The following CBLB variants were observed in gnomAD, a reference collection of about 807,000 sequenced individuals.
CBLB encodes the protein Cbl proto-oncogene B.
In CBLB, 31 loss-of-function variants were observed where a neutral mutation model predicts 104.9. The ratio of observed to expected loss-of-function variants is 0.30; its 90% CI spans 0.22 to 0.40. CBLB has a LOEUF of 0.40. Ranked by LOEUF, CBLB falls within the 10% of genes least tolerant of loss-of-function variation. The pLI, the probability that CBLB is intolerant of heterozygous loss-of-function variation, is 1.00. For synonymous variants in CBLB, 440 were observed against 422.6 expected (o/e 1.04, Z -0.51); for missense variants, 1,062 against 1,214.6 (o/e 0.87, Z 1.87).
chr3:105,783,652 A>G (rs6780432), intron 3 of CBLB, among the ~76,000 whole-genome samples: 26,090 of 152,112 alleles, frequency 0.17, 2,623 homozygotes, highest in Admixed American at 0.28. Flanking sequence ...AGAGCTCCAA[A>G]GATAAAGAAC....
Position 105,868,753 on chromosome 3 carries a change from G to T in CBLB, c.-32C>A. 1 of 989,644 alleles carries T rather than the reference G, an allele frequency of 1.0e-6. No individual in the cohort carries two copies. Among genetic ancestry groups the T allele is most frequent in the Non-Finnish European group, 1.2e-6 (1 of 832,438 alleles). The allele number at this position is 989,644 out of a possible 1,614,324, so 61.3% of individuals were successfully genotyped here. Reference sequence around the variant, plus strand: ...CTTCTTGCCTTTCGGCGCCGTAGCTGTCCAGAGACACGCGTGTGCGCGGGT... The same window carrying T: ...CTTCTTGCCTTTCGGCGCCGTAGCTTTCCAGAGACACGCGTGTGCGCGGGT... On this transcript the variant is annotated 5_prime_UTR_variant, in exon 1 of 19. Coordinates refer to ENST00000394030, the MANE Select transcript of CBLB (RefSeq NM_170662.5).
chr3:105,779,340 C>T (rs1038148283), intron 3 of CBLB, among the ~76,000 whole-genome samples: 1 of 152,134 alleles, frequency 6.6e-6, no homozygotes, highest in African/African-American at 2.4e-5. Flanking sequence ...CACTGATTGA[C>T]TATAAAATGT....
chr3:105,681,287 T>C (rs2066284229), intron 16 of CBLB, 192 bp downstream of exon 16: 1 of 616,244 alleles, frequency 1.6e-6, no homozygotes, highest in Middle Eastern at 4.3e-4. Flanking sequence ...ACTACTACAC[T>C]ACTACCTTAA....
intron 17 of CBLB, chr3:105,671,149 T>A: frequency 5.2e-6 from 1 of 193,604 alleles, no homozygotes; most frequent in Non-Finnish European, 1.1e-5. Context: ...TAAACCCAAC[T>A]GGTTTAACAT....
intron 2 of CBLB, among the ~76,000 whole-genome samples, chr3:105,854,750 A>T (rs2091391607): frequency 6.6e-6 from 1 of 152,076 alleles, no homozygotes; most frequent in African/African-American, 2.4e-5. Flanking sequence ...CTCCTGCCTC[A>T]GCCTCCCAAG....
At chr3:105,659,874 G>A (rs1432526063) in intron 18 of CBLB, among the ~76,000 whole-genome samples, 4 of 152,166 alleles carry the variant, frequency 2.6e-5, no homozygotes, top group South Asian at 2.1e-4. Context: ...CAGGCTGAAC[G>A]GAAGGAAACT....
intron 3 of CBLB, among the ~76,000 whole-genome samples, chr3:105,830,470 A>G (rs1271751987): frequency 6.6e-6 from 1 of 152,198 alleles, no homozygotes; most frequent in Non-Finnish European, 1.5e-5. Flanking sequence ...CAATCTTATA[A>G]AGCATCATAT....
chr3:105,704,982 TAC>T (rs757915501), intron 10 of CBLB, among the ~76,000 whole-genome samples: 9 of 152,278 alleles, frequency 5.9e-5, no homozygotes, highest in Non-Finnish European at 1.2e-4. Flanking sequence ...ATAAAAGCCA[TAC>T]AGTTAATCAA....
intron 3 of CBLB, among the ~76,000 whole-genome samples, chr3:105,780,853 A>G (rs1240396805): frequency 2.0e-5 from 3 of 151,684 alleles, no homozygotes; most frequent in African/African-American, 7.3e-5. Flanking sequence ...TAGTAGAGAC[A>G]GGGTTTCACC....
At chr3:105,803,851 T>C (rs1188509786) in intron 3 of CBLB, among the ~76,000 whole-genome samples, 2 of 152,202 alleles carry the variant, frequency 1.3e-5, no homozygotes, top group African/African-American at 4.8e-5. Context: ...CAAAAATACA[T>C]TGCTGACTTA....
chr3:105,756,878 G>A (rs989758945), intron 4 of CBLB, among the ~76,000 whole-genome samples: 61 of 152,242 alleles, frequency 4.0e-4, no homozygotes, highest in Middle Eastern at 3.4e-3. Context: ...GGAGGTGATC[G>A]GATCATGGGA....
At chr3:105,731,450 A>G (rs1193490559) in intron 9 of CBLB, among the ~76,000 whole-genome samples, 1 of 152,192 alleles carries the variant, frequency 6.6e-6, no homozygotes, top group Non-Finnish European at 1.5e-5. Context: ...AGTTTCCAAG[A>G]ATGTACTGAC....
chr3:105,865,410 T>C (rs971195146), intron 2 of CBLB, among the ~76,000 whole-genome samples: 1 of 152,158 alleles, frequency 6.6e-6, no homozygotes, highest in African/African-American at 2.4e-5. Flanking sequence ...ACAGGCAATG[T>C]ACATTTGCCA....
intron 10 of CBLB, among the ~76,000 whole-genome samples, chr3:105,711,412 T>C (rs541431072): frequency 6.6e-6 from 1 of 152,212 alleles, no homozygotes; most frequent in East Asian, 1.9e-4. Context: ...TTTCACTTTA[T>C]TTTGTGAACA....
At chr3:105,730,797 C>T (rs1186257581) in intron 9 of CBLB, among the ~76,000 whole-genome samples, 4 of 152,078 alleles carry the variant, frequency 2.6e-5, no homozygotes, top group Admixed American at 2.6e-4. Flanking sequence ...TGTCTAGTAA[C>T]ATAAATGTAA....
chr3:105,730,297 A>C (rs980087019), intron 9 of CBLB, among the ~76,000 whole-genome samples: 9 of 152,232 alleles, frequency 5.9e-5, no homozygotes, highest in Admixed American at 2.0e-4. Flanking sequence ...TAGTGAATGG[A>C]ACAAAGGGAA....
chr3:105,844,135 C>T (rs575932310), intron 3 of CBLB, among the ~76,000 whole-genome samples: 12 of 152,124 alleles, frequency 7.9e-5, no homozygotes, highest in African/African-American at 1.2e-4. Flanking sequence ...AACAGACTTA[C>T]GCTGCCATAA....
rs2063284721 is a variant in CBLB, at chr3:105,655,558, A to C, written c.*3412T>G. 1 of 179,882 alleles carries C rather than the reference A, an allele frequency of 5.6e-6. No individual in the cohort carries two copies. The highest frequency in any genetic ancestry group is 2.4e-5 in the African/African-American group (1 of 42,402). The allele number at this position is 179,882 out of a possible 1,614,324, so 11.1% of individuals were successfully genotyped here. On this transcript the variant is annotated 3_prime_UTR_variant, in exon 19 of 19. Coordinates refer to ENST00000394030, the MANE Select transcript of CBLB (RefSeq NM_170662.5). ...ATTGAAAAGGAATGAATAAAATATA[A>C]ATTAATTGAACATATGACTATTTTG... is the stretch of plus-strand genomic sequence containing the variant.
chr3:105,657,147 A>C lies in CBLB; in HGVS notation c.*1823T>G, dbSNP rs1305795624. On this transcript the variant is annotated 3_prime_UTR_variant, in exon 19 of 19. Coordinates refer to ENST00000394030, the MANE Select transcript of CBLB (RefSeq NM_170662.5). ...ACCATGAAAGCCAGACTGTCAAAAA[A>C]AGGGCACATGTCACTTTGCAAAGGA... 2 of 224,718 alleles carry C rather than the reference A, an allele frequency of 8.9e-6. No individual in the cohort carries two copies. Among genetic ancestry groups the C allele is most frequent in the African/African-American group, 4.5e-5 (2 of 44,896 alleles). 13.9% of individuals were successfully genotyped at this position (224,718 alleles called of 1,614,324 possible). A position where few individuals can be genotyped will look rare whatever the true frequency, so the allele number is the denominator to read the frequency against.
Sources: gnomAD v4.1 joint callset for allele counts (sites outside exome capture counted in the v4.1 genomes callset) on GRCh38, gnomAD v4.1.1 for gene constraint, MANE v1.5 for transcripts, NCBI Gene and HGNC (gene_info 2026-07-23, HGNC 2026-07-21) for gene names.